The following TMEM192 variants were observed in gnomAD, a reference collection of about 807,000 sequenced individuals.
The protein encoded by TMEM192 is transmembrane protein 192.
A neutral mutation model predicts 26.7 loss-of-function variants in TMEM192; 20 were observed. The ratio of observed to expected loss-of-function variants is 0.75; its 90% CI spans 0.53 to 1.09. The LOEUF (loss-of-function observed/expected upper bound fraction) is 1.09, where lower values mean the gene tolerates loss of function less well. Among genes scored for constraint, TMEM192 ranks in the 50% least tolerant of loss-of-function variants. TMEM192 has a pLI of 0.00. For synonymous variants in TMEM192, 124 were observed against 121.0 expected (o/e 1.02, Z -0.16); for missense variants, 304 against 322.6 (o/e 0.94, Z 0.44).
In TMEM192 at chr4:165,105,061, T is replaced by C. The variant is rs143168469; in HGVS notation, c.28-1965A>G. The stretch of plus-strand genomic sequence containing the variant: ...CCTTTCTGGATACCCCTAATCTGGA[T>C]TGTGCCACCCTCCATGTTTTTCAAA... On this transcript the variant is annotated intron_variant, in intron 1 of 5. Transcript: ENST00000306480. Among the ~76,000 whole-genome samples the C allele has an allele frequency of 5.5e-3, 839 of 152,272 alleles. 8 individuals carry two copies. Among genetic ancestry groups the C allele is most frequent in the African/African-American group, 0.019 (773 of 41,554 alleles).
rs140243772 is a variant in TMEM192 at position 165,104,116 on chromosome 4, G to A, written c.28-1020C>T. Among the ~76,000 whole-genome samples the A allele has an allele frequency of 9.4e-3, 1,428 of 152,206 alleles. 23 individuals carry two copies. Among genetic ancestry groups the A allele is most frequent in the African/African-American group, 0.032 (1,342 of 41,520 alleles). On this transcript the variant is annotated intron_variant, in intron 1 of 5. Transcript: ENST00000306480. Reference sequence around the variant, plus strand: ...CCAGCCTGGGCGACAGAGAGACTTCGTCTCAAAAATATGGATATATACTGC... The same window carrying A: ...CCAGCCTGGGCGACAGAGAGACTTCATCTCAAAAATATGGATATATACTGC...
At position 165,112,735 on chromosome 4, in the gene TMEM192, C is replaced by G. The variant is rs1341187239; in HGVS notation, c.27+12G>C. 6.2e-7 allele frequency: 1 copy of G among 1,609,370 alleles called. No homozygotes were observed. Among genetic ancestry groups the G allele is most frequent in the Non-Finnish European group, 8.5e-7 (1 of 1,179,296 alleles). On this transcript the variant is annotated intron_variant, in intron 1 of 5. Coordinates refer to ENST00000306480, the MANE Select transcript of TMEM192 (RefSeq NM_001100389.2). ...TTCCGGGGCCAACCGCCCGCCGCCT[C>G]CGTGCACTCACGTCCTCCATCCTGC...
At position 165,096,008 on chromosome 4, in the gene TMEM192, G is replaced by T. The variant is rs540172327; in HGVS notation, c.439+4620C>A. ...GACAGGGTTTCACCATGTTGGCCAGGCCTGTCTTGGACTCCTGACATCAGG... is the reference window on the plus strand; with the variant it reads ...GACAGGGTTTCACCATGTTGGCCAGTCCTGTCTTGGACTCCTGACATCAGG... On this transcript the variant is annotated intron_variant, in intron 3 of 5. Coordinates refer to ENST00000306480, the MANE Select transcript of TMEM192 (RefSeq NM_001100389.2). 4.0e-5 allele frequency among the ~76,000 whole-genome samples: 6 copies of T among 150,576 alleles called. No individual in the cohort carries two copies. The South Asian group carries it at 1.1e-3, about 26-fold the overall frequency.
chr4:165,112,760 C>T lies in TMEM192; in HGVS notation c.14G>A (p.Gly5Asp), dbSNP rs1286500446. Reference protein sequence around the residue: MAAGGRMEDGSLDIT... With the variant: MAAGDRMEDGSLDIT... ...CCGTGCACTCACGTCCTCCATCCTG[C>T]CCCCCGCCGCCATTTCCCGACGCCG... Residue 5 changes from glycine to aspartate, a missense_variant, in exon 1 of 6, where the codon GGC becomes GAC. Coordinates refer to ENST00000306480, the MANE Select transcript of TMEM192 (RefSeq NM_001100389.2). The T allele has an allele frequency of 1.2e-6, 2 of 1,607,900 alleles. No individual in the cohort carries two copies. The highest frequency in any genetic ancestry group is 2.2e-5 in the South Asian group (2 of 90,936).
intron 3 of TMEM192, among the ~76,000 whole-genome samples, chr4:165,099,361 C>T (rs753959120): frequency 2.6e-4 from 40 of 152,108 alleles, no homozygotes; most frequent in Non-Finnish European, 4.6e-4. Context: ...GCTGGGATTA[C>T]AGGCATGAGC....
rs80345192 is a variant in TMEM192, at chr4:165,080,064, C to T, written c.678-268G>A. Among the ~76,000 whole-genome samples the T allele has an allele frequency of 3.9e-3, 594 of 152,120 alleles. 6 individuals are homozygous for T. Among genetic ancestry groups the T allele is most frequent in the African/African-American group, 0.013 (557 of 41,490 alleles). ...ATCATTGCTTTATTTAAGAAGGATC[C>T]TAATTTGTTAGAGTAAGATAATTGA... On this transcript the variant is annotated intron_variant, in intron 5 of 5. Coordinates refer to ENST00000306480, the MANE Select transcript of TMEM192 (RefSeq NM_001100389.2).
intron 3 of TMEM192, among the ~76,000 whole-genome samples, chr4:165,094,851 G>A (rs1455498160): frequency 3.9e-5 from 6 of 151,964 alleles, no homozygotes; most frequent in African/African-American, 4.8e-5. Context: ...GCGCACACCT[G>A]TAATCCCAGC....
Position 165,100,849 on chromosome 4 carries a change from G to T in TMEM192, c.218C>A (p.Ser73Tyr). ...VLAFLTGVLC[S>Y]YPNPNEDKCP... ...CTTGTCCTCATTTGGATTAGGATAA[G>T]AACAAAGCACACCTGTTAAAAATGC... is the stretch of plus-strand genomic sequence containing the variant. Residue 73 changes from serine (S) to tyrosine (Y), a missense_variant, in exon 3 of 6, where the codon TCT (serine) becomes TAT (tyrosine). By Grantham distance (144) the Ser-to-Tyr change is moderately radical (BLOSUM62 -2). Transcript: ENST00000306480. 1 of 1,613,490 alleles carries T rather than the reference G, an allele frequency of 6.2e-7. No homozygotes were observed. Among genetic ancestry groups the T allele is most frequent in the Non-Finnish European group, 8.5e-7 (1 of 1,179,878 alleles).
At chr4:165,095,204 T>G (rs1734866382) in intron 3 of TMEM192, among the ~76,000 whole-genome samples, 1 of 152,132 alleles carries the variant, frequency 6.6e-6, no homozygotes, top group Non-Finnish European at 1.5e-5. Context: ...CACAGGGTTC[T>G]GGTAGGAAGA....
Position 165,077,157 on chromosome 4 carries a change from T to A in TMEM192, c.*2501A>T, listed in dbSNP as rs890998019. 1 of 152,222 alleles carries A rather than the reference T, an allele frequency of 6.6e-6. No individual in the cohort carries two copies. Among genetic ancestry groups the A allele is most frequent in the East Asian group, 1.9e-4 (1 of 5,202 alleles). The allele number at this position is 152,222 out of a possible 1,614,324, so 9.4% of individuals were successfully genotyped here. A position where few individuals can be genotyped will look rare whatever the true frequency, so the allele number is the denominator to read the frequency against. ...CATTTATTGTTTGAAATGTTCATCA[T>A]TGCATTCAGAAAAATGTTGATGATT... On this transcript the variant is annotated 3_prime_UTR_variant, in exon 6 of 6. Transcript: ENST00000306480.
rs1031432861 is a variant in TMEM192, at chr4:165,073,681, T to C, written c.*5977A>G. 4 of 152,186 alleles carry C rather than the reference T, an allele frequency of 2.6e-5. No individual in the cohort carries two copies. The highest frequency in any genetic ancestry group is 2.0e-4 in the Admixed American group (3 of 15,274). 9.4% of individuals were successfully genotyped at this position (152,186 alleles called of 1,614,324 possible). On this transcript the variant is annotated 3_prime_UTR_variant, in exon 6 of 6. Coordinates refer to ENST00000306480, the MANE Select transcript of TMEM192 (RefSeq NM_001100389.2). ...GTGTAAAGCTGACCATTCCCATTCG[T>C]TCTATTCTGAGATAGGAGAAAACTG...
intron 5 of TMEM192, among the ~76,000 whole-genome samples, chr4:165,084,750 A>G (rs1232077936): frequency 6.6e-6 from 1 of 150,688 alleles, no homozygotes; most frequent in Non-Finnish European, 1.5e-5. Context: ...CGCTACTAAA[A>G]ATACAAAAAT....
chr4:165,094,209 G>A (rs1257782495), intron 3 of TMEM192, among the ~76,000 whole-genome samples: 3 of 151,518 alleles, frequency 2.0e-5, no homozygotes, highest in Non-Finnish European at 4.4e-5. Context: ...CCTAATTTTC[G>A]TATTTTTAAT....
chr4:165,091,369 C>T (rs1434154236), intron 3 of TMEM192, among the ~76,000 whole-genome samples: 1 of 152,068 alleles, frequency 6.6e-6, no homozygotes, highest in African/African-American at 2.4e-5. Context: ...GGATCTAAGA[C>T]TAGAGCCCTT....
At chr4:165,081,469 C>T (rs1463726791) in intron 5 of TMEM192, among the ~76,000 whole-genome samples, 7 of 132,946 alleles carry the variant, frequency 5.3e-5, no homozygotes, top group Admixed American at 2.4e-4. Context: ...CTGCAAACTC[C>T]GCCTCATGGG....
intron 4 of TMEM192, among the ~76,000 whole-genome samples, chr4:165,086,580 C>G (rs765699861): frequency 3.6e-4 from 55 of 152,016 alleles, no homozygotes; most frequent in Non-Finnish European, 8.8e-5. Context: ...CACCACCACA[C>G]CCAGCTAATT....
intron 3 of TMEM192, 75 bp from the exon 4 acceptor site, chr4:165,088,677 C>T: frequency 7.0e-7 from 1 of 1,421,234 alleles, no homozygotes; most frequent in South Asian, 1.5e-5. Context: ...GATAGTTGGT[C>T]TTTGTCTGGT....
Position 165,072,844 on chromosome 4 carries a change from T to C in TMEM192, c.*6814A>G, listed in dbSNP as rs1419819918. ...CCAAGTAGTGATCTAGAAGGGGCAG[T>C]TGGACACATAAGTCTGGAGTTCAGG... On this transcript the variant is annotated 3_prime_UTR_variant, in exon 6 of 6. Coordinates refer to ENST00000306480, the MANE Select transcript of TMEM192 (RefSeq NM_001100389.2). The C allele has an allele frequency of 1.3e-5, 2 of 151,990 alleles. No homozygotes were observed. Among genetic ancestry groups the C allele is most frequent in the Non-Finnish European group, 2.9e-5 (2 of 68,070 alleles). The allele number at this position is 151,990 out of a possible 1,614,324, so 9.4% of individuals were successfully genotyped here. A position where few individuals can be genotyped will look rare whatever the true frequency, so the allele number is the denominator to read the frequency against.
In TMEM192 at chr4:165,079,503, C is replaced by T; in HGVS notation, c.*155G>A. The T allele has an allele frequency of 1.3e-6, 1 of 749,942 alleles. No homozygotes were observed. Among genetic ancestry groups the T allele is most frequent in the Non-Finnish European group, 2.0e-6 (1 of 500,198 alleles). 46.5% of individuals were successfully genotyped at this position (749,942 alleles called of 1,614,324 possible). A position where few individuals can be genotyped will look rare whatever the true frequency, so the allele number is the denominator to read the frequency against. ...TGACCCACAAGCCCTATATTTTAAA[C>T]AGCCACAGAAGTCAGAACCAAATTC... On this transcript the variant is annotated 3_prime_UTR_variant, in exon 6 of 6. Coordinates refer to ENST00000306480, the MANE Select transcript of TMEM192 (RefSeq NM_001100389.2).
Sources: gnomAD v4.1 joint callset for allele counts (sites outside exome capture counted in the v4.1 genomes callset) on GRCh38, gnomAD v4.1.1 for gene constraint, MANE v1.5 for transcripts, NCBI Gene and HGNC (gene_info 2026-07-23, HGNC 2026-07-21) for gene names.